ATG4C: variants seen among roughly 807,000 people sequenced by gnomAD.
The protein encoded by ATG4C is autophagy related 4C cysteine peptidase, also known as cysteine protease ATG4C.
ATG4C carries 56 observed loss-of-function variants against 57.6 expected under a neutral mutation model. That is an observed-to-expected ratio of 0.97 (90% CI 0.78 to 1.21). ATG4C has a LOEUF of 1.21. Among genes scored for constraint, ATG4C ranks in the 50% most tolerant of loss-of-function variants. The pLI, the probability that ATG4C is intolerant of heterozygous loss-of-function variation, is 0.00. For missense variants in ATG4C, 595 were observed against 529.8 expected (o/e 1.12, Z -1.21); for synonymous variants, 157 against 174.1 (o/e 0.90, Z 0.78).
intron 10 of ATG4C, among the ~76,000 whole-genome samples, chr1:62,855,168 C>T (rs929969126): frequency 6.6e-6 from 1 of 152,112 alleles, no homozygotes; most frequent in African/African-American, 2.4e-5. Flanking sequence ...CCTCTGCTTT[C>T]CATGACGTCT....
Position 62,829,088 on chromosome 1 carries a change from A to T in ATG4C, c.845A>T (p.Asp282Val), listed in dbSNP as rs757504438. ...IDKQSASMTS[D>V]NADDKAVIIL... Reference sequence around the variant, plus strand: ...AAACAGAGTGCTTCCATGACTTCTGATAATGCAGATGACAAAGCTGTTATT... The same window carrying T: ...AAACAGAGTGCTTCCATGACTTCTGTTAATGCAGATGACAAAGCTGTTATT... Residue 282 changes from aspartate to valine, a missense_variant, in exon 7 of 11, where the codon GAT becomes GTT. Coordinates refer to ENST00000317868, the MANE Select transcript of ATG4C (RefSeq NM_032852.4). 3.7e-6 allele frequency: 6 copies of T among 1,612,994 alleles called. No homozygotes were observed. The highest frequency in any genetic ancestry group is 1.6e-4 in the Middle Eastern group (1 of 6,074).
chr1:62,807,267 T>A (rs982767737), intron 3 of ATG4C, among the ~76,000 whole-genome samples: 1 of 152,210 alleles, frequency 6.6e-6, no homozygotes, highest in Non-Finnish European at 1.5e-5. Context: ...GTTCTTATGT[T>A]TGGTCTTTGA....
chr1:62,845,232 T>A (rs146520300), intron 10 of ATG4C, among the ~76,000 whole-genome samples: 2 of 152,236 alleles, frequency 1.3e-5, no homozygotes, highest in East Asian at 3.9e-4. Context: ...TATAAGAATT[T>A]CTTAACATCC....
chr1:62,858,483 TA>T (rs1211244908), intron 10 of ATG4C, among the ~76,000 whole-genome samples: 1 of 152,016 alleles, frequency 6.6e-6, no homozygotes, highest in Non-Finnish European at 1.5e-5. Flanking sequence ...TTGAGACAGA[TA>T]GTAGGTAATA....
rs775551605 is a variant in ATG4C at position 62,864,024 on chromosome 1, C to T, written c.1242C>T (p.Pro414=). 1 of 1,582,278 alleles carries T rather than the reference C, an allele frequency of 6.3e-7. No homozygotes were observed. Among genetic ancestry groups the T allele is most frequent in the Admixed American group, 2.0e-5 (1 of 50,720 alleles). The change falls in exon 11 of 11, where the codon CCC becomes CCT. Residue 414 remains proline (P), a synonymous_variant. Coordinates refer to ENST00000317868, the MANE Select transcript of ATG4C (RefSeq NM_032852.4). ...AATTTTCTTCTAAGGAGAAATATCC[C>T]TTATTTACTTTTGTAAATGGTCATT... is the stretch of plus-strand genomic sequence containing the variant. The part of the protein sequence containing the change: ...MLKFSSKEKY[P]LFTFVNGHSR...
intron 5 of ATG4C, among the ~76,000 whole-genome samples, chr1:62,820,705 G>A (rs1572130654): frequency 1.3e-5 from 2 of 151,954 alleles, no homozygotes; most frequent in South Asian, 4.1e-4. Flanking sequence ...AAGGAAAAAA[G>A]TCATGCTGTT....
chr1:62,823,421 C>T (rs1464408735), intron 6 of ATG4C, among the ~76,000 whole-genome samples: 3 of 152,166 alleles, frequency 2.0e-5, no homozygotes, highest in African/African-American at 7.2e-5. Flanking sequence ...AGTCAGTCAA[C>T]ACTTAAGAAA....
chr1:62,846,364 T>A (rs1312289602), intron 10 of ATG4C, among the ~76,000 whole-genome samples: 2 of 152,228 alleles, frequency 1.3e-5, no homozygotes, highest in African/African-American at 4.8e-5. Context: ...CCCAGCCTCT[T>A]AATGTTGGAA....
At chr1:62,850,900 A>G in intron 10 of ATG4C, among the ~76,000 whole-genome samples, 1 of 59,822 alleles carries the variant, frequency 1.7e-5, no homozygotes, top group Admixed American at 1.6e-4. Context: ...ATATATATAT[A>G]TACATACACA....
intron 10 of ATG4C, among the ~76,000 whole-genome samples, chr1:62,847,992 T>G (rs562708029): frequency 6.6e-6 from 1 of 152,322 alleles, no homozygotes; most frequent in Admixed American, 6.5e-5. Flanking sequence ...ATTAATAATC[T>G]TCCTCCCTAC....
intron 10 of ATG4C, among the ~76,000 whole-genome samples, chr1:62,857,413 G>A (rs6587996): frequency 0.45 from 68,612 of 151,908 alleles, 15,601 homozygotes; most frequent in East Asian, 0.66. Flanking sequence ...TCCCCAGATG[G>A]GACAGTCTAG....
At chr1:62,834,716 G>A in intron 8 of ATG4C, 60 bp from the exon 9 acceptor site, 2 of 1,367,804 alleles carry the variant, frequency 1.5e-6, no homozygotes, top group Non-Finnish European at 2.1e-6. Flanking sequence ...AAATTGGATT[G>A]TAAGCAGTGT....
rs974318240 is a variant in ATG4C at position 62,865,242 on chromosome 1, A to G, written c.*1083A>G. The G allele has an allele frequency of 1.3e-5, 2 of 151,972 alleles. No individual in the cohort carries two copies. The highest frequency in any genetic ancestry group is 4.8e-5 in the African/African-American group (2 of 41,438). 9.4% of individuals were successfully genotyped at this position (151,972 alleles called of 1,614,324 possible). A position where few individuals can be genotyped will look rare whatever the true frequency, so the allele number is the denominator to read the frequency against. ...TCTCAAATGAATTCTGTTCATTTATAATAAATGCATATATTGCTCTGAAAA... is the reference window on the plus strand; with the variant it reads ...TCTCAAATGAATTCTGTTCATTTATGATAAATGCATATATTGCTCTGAAAA... On this transcript the variant is annotated 3_prime_UTR_variant, in exon 11 of 11. Coordinates refer to ENST00000317868, the MANE Select transcript of ATG4C (RefSeq NM_032852.4).
At chr1:62,837,221 A>G (rs1238801874) in intron 9 of ATG4C, among the ~76,000 whole-genome samples, 1 of 152,194 alleles carries the variant, frequency 6.6e-6, no homozygotes, top group Non-Finnish European at 1.5e-5. Context: ...CTAACTTTTA[A>G]GAGACTCTTC....
At chr1:62,843,745 G>A (rs1300888912) in intron 10 of ATG4C, among the ~76,000 whole-genome samples, 7 of 152,108 alleles carry the variant, frequency 4.6e-5, no homozygotes, top group African/African-American at 1.7e-4. Flanking sequence ...ATCATATACA[G>A]AGCACAAAAT....
chr1:62,861,187 A>G (rs965077873), intron 10 of ATG4C, among the ~76,000 whole-genome samples: 10 of 152,184 alleles, frequency 6.6e-5, no homozygotes, highest in African/African-American at 1.7e-4. Flanking sequence ...GAATTCAGTT[A>G]CCTTAAATTT....
At position 62,865,408 on chromosome 1, in the gene ATG4C, AAG is replaced by A. The variant is rs1187908200; in HGVS notation, c.*1254_*1255del. 1.3e-5 allele frequency: 2 copies of A among 151,882 alleles called. No individual in the cohort carries two copies. The highest frequency in any genetic ancestry group is 3.8e-4 in the East Asian group (2 of 5,200). 9.4% of individuals were successfully genotyped at this position (151,882 alleles called of 1,614,324 possible). ...TGTTTAGAGTTGCATGTAAAGCTGA[AAG>A]AGAGGGTGGGCGGATTGTTTTAGTA... is the stretch of plus-strand genomic sequence containing the variant. On this transcript the variant is annotated 3_prime_UTR_variant, in exon 11 of 11. Coordinates refer to ENST00000317868, the MANE Select transcript of ATG4C (RefSeq NM_032852.4).
In ATG4C at chr1:62,828,567, A is replaced by G. The variant is rs573118469; in HGVS notation, c.797-473A>G. On this transcript the variant is annotated intron_variant, in intron 6 of 10. Transcript: ENST00000317868. ...TGGATATTAGACTTTTGTCAGATGT[A>G]TAGTTTGCAAATATTTTCTCACATT... 5.9e-5 allele frequency among the ~76,000 whole-genome samples: 9 copies of G among 152,270 alleles called. No individual in the cohort carries two copies. The South Asian group carries it at 8.3e-4, about 14-fold the overall frequency.
chr1:62,800,832 T>C (rs992140572), intron 1 of ATG4C, among the ~76,000 whole-genome samples: 2 of 152,192 alleles, frequency 1.3e-5, no homozygotes, highest in African/African-American at 4.8e-5. Flanking sequence ...AATGTGGTGA[T>C]ACAGGAAAAC....
Sources: allele counts gnomAD v4.1 joint callset (sites outside exome capture counted in the v4.1 genomes callset), GRCh38; gene constraint gnomAD v4.1.1; transcripts MANE v1.5; gene names NCBI Gene and HGNC (gene_info 2026-07-23, HGNC 2026-07-21).